The following FSD2 variants were observed in gnomAD, a reference collection of about 807,000 sequenced individuals.
FSD2 encodes the protein fibronectin type III and SPRY domain containing 2.
In FSD2, 71 loss-of-function variants were observed where a neutral mutation model predicts 80.4. That is an observed-to-expected ratio of 0.88 (90% CI 0.73 to 1.08). The LOEUF (loss-of-function observed/expected upper bound fraction) is 1.08. FSD2 is among the 50% of genes least tolerant of loss of function. The pLI, the probability that FSD2 is intolerant of heterozygous loss-of-function variation, is 0.00. For missense variants in FSD2, 923 were observed against 913.8 expected (o/e 1.01, Z -0.13); for synonymous variants, 361 against 329.5 (o/e 1.10, Z -1.03).
chr15:82,790,977 G>T (rs1472880521), intron 1 of FSD2, among the ~76,000 whole-genome samples: 1 of 151,778 alleles, frequency 6.6e-6, no homozygotes, highest in East Asian at 1.9e-4. Context: ...ATACTTTAGT[G>T]GTTTCGTTTT....
chr15:82,763,829 G>A (rs1302016322), intron 11 of FSD2, among the ~76,000 whole-genome samples: 2 of 152,168 alleles, frequency 1.3e-5, no homozygotes, highest in Non-Finnish European at 2.9e-5. Flanking sequence ...AACTTTTTGT[G>A]TGTATACTGG....
At chr15:82,778,144 A>G (rs1169441688) in intron 6 of FSD2, among the ~76,000 whole-genome samples, 1 of 137,174 alleles carries the variant, frequency 7.3e-6, no homozygotes, top group Admixed American at 7.2e-5. Context: ...ATATATATAT[A>G]TATATATATA....
chr15:82,760,734 T>TGCAC (rs1201828116), intron 12 of FSD2, among the ~76,000 whole-genome samples: 4 of 69,806 alleles, frequency 5.7e-5, no homozygotes, highest in African/African-American at 2.1e-4. Flanking sequence ...CGTGTGTGCG[T>TGCAC]GCACGCACAC....
At chr15:82,795,103 G>A (rs145973222) in intron 1 of FSD2, among the ~76,000 whole-genome samples, 253 of 152,228 alleles carry the variant, frequency 1.7e-3, no homozygotes, top group African/African-American at 5.7e-3. Flanking sequence ...TTTTTCGGAT[G>A]TCAGTACAGC....
chr15:82,770,009 C>T (rs1596235019), intron 7 of FSD2, 125 bp from the exon 8 acceptor site: 2 of 1,016,688 alleles, frequency 2.0e-6, no homozygotes, highest in South Asian at 1.5e-5. Context: ...CCTGTATGCA[C>T]TCCCTCTGCA....
At chr15:82,789,927 A>G (rs901696323) in intron 1 of FSD2, among the ~76,000 whole-genome samples, 1 of 152,330 alleles carries the variant, frequency 6.6e-6, no homozygotes. Flanking sequence ...CTGTAATCCC[A>G]GCACTTTTGG....
rs138734372 is a variant in FSD2, at chr15:82,780,527, G to A, written c.967-260C>T. On this transcript the variant is annotated intron_variant, in intron 4 of 12. Coordinates refer to ENST00000334574, the MANE Select transcript of FSD2 (RefSeq NM_001007122.4). ...TTTTTGTATTTTTAGTAGAGACAGC[G>A]TTTTACCATATTGGCCAGGCTGGTC... is the stretch of plus-strand genomic sequence containing the variant. Among the ~76,000 whole-genome samples the A allele has an allele frequency of 7.1e-3, 1,078 of 151,742 alleles. 11 individuals are homozygous for A. Among genetic ancestry groups the A allele is most frequent in the African/African-American group, 0.023 (963 of 41,418 alleles).
In FSD2 at chr15:82,769,727, A is replaced by G. The variant is rs765986808; in HGVS notation, c.1402+23T>C. 6.9e-6 allele frequency: 11 copies of G among 1,593,460 alleles called. No individual in the cohort carries two copies. In the Admixed American group the frequency reaches 1.4e-4, roughly 20 times the overall value. On this transcript the variant is annotated intron_variant, in intron 8 of 12. Transcript: ENST00000334574. ...TGTCCGCTTGAATGAAAGCCCTGCTATAGGAAATGAGTAGCCCATTACCTG... is the reference window on the plus strand; with the variant it reads ...TGTCCGCTTGAATGAAAGCCCTGCTGTAGGAAATGAGTAGCCCATTACCTG...
At position 82,765,239 on chromosome 15, in the gene FSD2, C is replaced by A; in HGVS notation, c.1747G>T (p.Gly583Ter). The change falls in exon 11 of 13, where the codon GGA (glycine) becomes TGA (stop). Residue 583 changes from glycine to a stop codon, truncating the protein, a stop_gained. Transcript: ENST00000334574. LOFTEE classifies it high-confidence loss of function. ...CTTTCACTTCGTACAGCCGTAAGTC[C>A]GTCTTCAGAAATGGTCAGCCAGGGA... is the stretch of plus-strand genomic sequence containing the variant. ...CHPWLTISED[G>*]LTAVRSERRT... The A allele has an allele frequency of 6.2e-7, 1 of 1,612,638 alleles. No individual in the cohort carries two copies. The highest frequency in any genetic ancestry group is 8.5e-7 in the Non-Finnish European group (1 of 1,179,372).
intron 1 of FSD2, among the ~76,000 whole-genome samples, chr15:82,802,382 G>A (rs2050436054): frequency 6.6e-6 from 1 of 152,130 alleles, no homozygotes; most frequent in African/African-American, 2.4e-5. Context: ...ACACCACTTT[G>A]CCTCCTCTCT....
chr15:82,800,691 C>CAAAAAAA (rs769762172), intron 1 of FSD2, among the ~76,000 whole-genome samples: 534 of 47,776 alleles, frequency 0.011, 64 homozygotes, highest in East Asian at 0.03. Context: ...GATTCTGTCT[C>CAAAAAAA]AAAAAAAAAA....
intron 3 of FSD2, among the ~76,000 whole-genome samples, chr15:82,783,278 T>C (rs1489384162): frequency 6.6e-6 from 1 of 152,134 alleles, no homozygotes; most frequent in Admixed American, 6.5e-5. Context: ...TTTGTATTTT[T>C]AGTAGAGATG....
intron 10 of FSD2, 21 bp downstream of exon 10, chr15:82,765,876 CT>C (rs755017685): frequency 6.3e-7 from 1 of 1,588,702 alleles, no homozygotes; most frequent in East Asian, 2.3e-5. Flanking sequence ...GTCCCAGAGA[CT>C]TTGTGGGCTG....
chr15:82,769,901 A>G lies in FSD2; in HGVS notation c.1268-17T>C, dbSNP rs745975765. The G allele has an allele frequency of 1.3e-5, 21 of 1,612,622 alleles. No homozygotes were observed. The highest frequency in any genetic ancestry group is 3.3e-5 in the South Asian group (3 of 91,054). On this transcript the variant is annotated splice_polypyrimidine_tract_variant and intron_variant, in intron 7 of 12. Coordinates refer to ENST00000334574, the MANE Select transcript of FSD2 (RefSeq NM_001007122.4). ...CTGTAAACTCTGGGGAAAAAAAAAG[A>G]TAAGAATTCAACCCTAAAAACTGGC...
At chr15:82,759,625 A>C in intron 12 of FSD2, 25 bp from the exon 13 acceptor site, 1 of 1,504,012 alleles carries the variant, frequency 6.6e-7, no homozygotes, top group South Asian at 1.3e-5. Context: ...TGACATAATA[A>C]AGTTTCAGTA....
intron 1 of FSD2, among the ~76,000 whole-genome samples, chr15:82,801,424 C>T (rs930264302): frequency 6.6e-6 from 1 of 152,208 alleles, no homozygotes; most frequent in Admixed American, 6.5e-5. Flanking sequence ...ACCAACCAGC[C>T]TTCTCTGATG....
chr15:82,759,450 A>G lies in FSD2; in HGVS notation c.2148T>C (p.Cys716=). Residue 716 remains cysteine, a synonymous_variant, in exon 13 of 13, where the codon TGT becomes TGC. Coordinates refer to ENST00000334574, the MANE Select transcript of FSD2 (RefSeq NM_001007122.4). ...AGGGATGCACAAATTCGTGAAGCTGACAACTAAATGTATATAGATGCTGAG... is the reference window on the plus strand; with the variant it reads ...AGGGATGCACAAATTCGTGAAGCTGGCAACTAAATGTATATAGATGCTGAG... ...DLSQHLYTFS[C]QLHEFVHPCF... The G allele has an allele frequency of 1.2e-6, 2 of 1,613,726 alleles. No individual in the cohort carries two copies. The highest frequency in any genetic ancestry group is 1.7e-6 in the Non-Finnish European group (2 of 1,179,768).
Position 82,768,974 on chromosome 15 carries a change from G to C in FSD2, c.1459C>G (p.Leu487Val). The change falls in exon 9 of 13, where the codon CTG (leucine) becomes GTG (valine). Residue 487 changes from leucine to valine, a missense_variant. Coordinates refer to ENST00000334574, the MANE Select transcript of FSD2 (RefSeq NM_001007122.4). Reference protein sequence around the residue: ...KEIRSCEEAVLICWESGNLNP... With the variant: ...KEIRSCEEAVVICWESGNLNP... ...AGGTTCCCAGACTCCCAGCAAATCA[G>C]CACAGCCTCTTCACAGCTCCTTATC... 1.2e-6 allele frequency: 2 copies of C among 1,606,138 alleles called. No homozygotes were observed. The highest frequency in any genetic ancestry group is 1.7e-6 in the Non-Finnish European group (2 of 1,176,442).
intron 11 of FSD2, among the ~76,000 whole-genome samples, chr15:82,763,884 T>C (rs891672271): frequency 6.6e-6 from 1 of 152,232 alleles, no homozygotes; most frequent in Non-Finnish European, 1.5e-5. Flanking sequence ...CTTCCCGTCA[T>C]GGATCCTATA....
Sources: allele counts gnomAD v4.1 joint callset (sites outside exome capture counted in the v4.1 genomes callset), GRCh38; gene constraint gnomAD v4.1.1; transcripts MANE v1.5; gene names NCBI Gene and HGNC (gene_info 2026-07-23, HGNC 2026-07-21).